The following WDR41 variants were observed in gnomAD, a reference collection of about 807,000 sequenced individuals.
WDR41 encodes WD repeat domain 41.
In WDR41, 63 loss-of-function variants were observed where a neutral mutation model predicts 69.3. That is an observed-to-expected ratio of 0.91 (90% CI 0.74 to 1.12). The LOEUF (loss-of-function observed/expected upper bound fraction) is 1.12. Among genes scored for constraint, WDR41 ranks in the 50% most tolerant of loss-of-function variants. The pLI, the probability that WDR41 is intolerant of heterozygous loss-of-function variation, is 0.00. For synonymous variants in WDR41, 185 were observed against 192.1 expected (o/e 0.96, Z 0.31); for missense variants, 543 against 534.5 (o/e 1.02, Z -0.16).
At chr5:77,566,340 C>A (rs954350348) in intron 1 of WDR41, among the ~76,000 whole-genome samples, 1 of 152,106 alleles carries the variant, frequency 6.6e-6, no homozygotes, top group African/African-American at 2.4e-5. Flanking sequence ...TACTCACTGT[C>A]CTGTATGTCG....
At chr5:77,493,165 G>A (rs957775518), upstream of WDR41, among the ~76,000 whole-genome samples, 3 of 152,164 alleles carry the variant, frequency 2.0e-5, no homozygotes, top group African/African-American at 7.2e-5. Context: ...CGTAGGAATC[G>A]GGGTTTTGGG....
chr5:77,440,820 T>A lies in WDR41; in HGVS notation c.875A>T (p.Asp292Val). 6.2e-7 allele frequency: 1 copy of A among 1,614,140 alleles called. No individual in the cohort carries two copies. The highest frequency in any genetic ancestry group is 8.5e-7 in the Non-Finnish European group (1 of 1,179,988). ...NDISIHHFTC[D>V]EENVFAAVGR... is the part of the protein sequence containing the mutation. ...AGTGTATACATTTTTTACCTCTTCA[T>A]CACATGTGAAATGATGAATAGAAAT... is the stretch of plus-strand genomic sequence containing the variant. The change falls in exon 9 of 13, where the codon GAT becomes GTT. Residue 292 changes from aspartate (D) to valine (V), a missense_variant. By Grantham distance (152) the Asp-to-Val change is radical. Transcript: ENST00000296679.
intron 8 of WDR41, among the ~76,000 whole-genome samples, chr5:77,445,173 T>C (rs748226017): frequency 1.3e-5 from 2 of 151,828 alleles, no homozygotes; most frequent in Non-Finnish European, 2.9e-5. Context: ...AACTAGAAAA[T>C]CTAGAAGAAA....
At chr5:77,546,116 A>C (rs1743192063) in intron 1 of WDR41, 1 of 508,690 alleles carries the variant, frequency 2.0e-6, no homozygotes, top group Non-Finnish European at 3.4e-6. Context: ...CTTTGATGCC[A>C]TCTCAGACCT....
At chr5:77,495,956 G>T (rs529566844), upstream of WDR41, among the ~76,000 whole-genome samples, 19 of 152,092 alleles carry the variant, frequency 1.2e-4, no homozygotes, top group East Asian at 9.7e-4. Flanking sequence ...ATGGAAGAGT[G>T]GTTCAGTATA....
chr5:77,563,677 A>G (rs1306940448), intron 1 of WDR41, among the ~76,000 whole-genome samples: 3 of 152,200 alleles, frequency 2.0e-5, no homozygotes, highest in Admixed American at 2.0e-4. Flanking sequence ...GGAACCGGGC[A>G]GTGTGCCAGG....
At chr5:77,519,061 C>T in intron 1 of WDR41, among the ~76,000 whole-genome samples, 1 of 151,970 alleles carries the variant, frequency 6.6e-6, no homozygotes, top group Admixed American at 6.6e-5. Context: ...CAGCTAATAT[C>T]AAATAATATA....
intron 1 of WDR41, among the ~76,000 whole-genome samples, chr5:77,517,253 T>G (rs1419462552): frequency 1.3e-5 from 2 of 152,072 alleles, no homozygotes; most frequent in African/African-American, 4.8e-5. Context: ...GTTTCTGCCA[T>G]AGTAATGTAA....
chr5:77,584,238 G>A (rs1371222650), intron 1 of WDR41, among the ~76,000 whole-genome samples: 1 of 152,030 alleles, frequency 6.6e-6, no homozygotes, highest in Non-Finnish European at 1.5e-5. Flanking sequence ...GTTACAGGCA[G>A]GGCAATTAAG....
At chr5:77,468,472 G>C (rs1800404008) in intron 2 of WDR41, among the ~76,000 whole-genome samples, 1 of 152,058 alleles carries the variant, frequency 6.6e-6, no homozygotes, top group South Asian at 2.1e-4. Flanking sequence ...TCCAACAGTG[G>C]GCTGAAAACT....
At chr5:77,488,297 A>G (rs1290532008) in intron 2 of WDR41, among the ~76,000 whole-genome samples, 1 of 152,196 alleles carries the variant, frequency 6.6e-6, no homozygotes, top group African/African-American at 2.4e-5. Context: ...AAATATCAGT[A>G]ACATTTAAAG....
At chr5:77,531,208 G>C (rs961881366) in intron 1 of WDR41, among the ~76,000 whole-genome samples, 1 of 151,760 alleles carries the variant, frequency 6.6e-6, no homozygotes, top group African/African-American at 2.4e-5. Flanking sequence ...TAAAAAGAAA[G>C]TAAAAAGACA....
intron 2 of WDR41, among the ~76,000 whole-genome samples, chr5:77,467,471 CTT>C (rs1800356156): frequency 6.6e-6 from 1 of 151,940 alleles, no homozygotes; most frequent in Non-Finnish European, 1.5e-5. Flanking sequence ...GTAAGACACT[CTT>C]ATTTTATTTA....
intron 1 of WDR41, among the ~76,000 whole-genome samples, chr5:77,531,461 G>T (rs879537883): frequency 3.3e-5 from 5 of 151,704 alleles, no homozygotes. Context: ...ATCACTTTGC[G>T]CCCACTAAGA....
At chr5:77,511,672 G>A (rs1359719289) in intron 1 of WDR41, among the ~76,000 whole-genome samples, 1 of 152,032 alleles carries the variant, frequency 6.6e-6, no homozygotes, top group Non-Finnish European at 1.5e-5. Flanking sequence ...CATTACATCT[G>A]CAGTTCTATT....
At chr5:77,434,404 G>A (rs1478031742) in intron 12 of WDR41, among the ~76,000 whole-genome samples, 1 of 152,078 alleles carries the variant, frequency 6.6e-6, no homozygotes, top group Non-Finnish European at 1.5e-5. Flanking sequence ...GTGAAGGGAG[G>A]AAACATGGGA....
chr5:77,549,307 G>A (rs1435708717), intron 1 of WDR41, among the ~76,000 whole-genome samples: 3 of 151,994 alleles, frequency 2.0e-5, no homozygotes, highest in African/African-American at 4.8e-5. Context: ...AAAATAATGA[G>A]TCAAATTATC....
intron 1 of WDR41, among the ~76,000 whole-genome samples, chr5:77,500,098 A>G (rs983305366): frequency 6.6e-6 from 1 of 152,218 alleles, no homozygotes; most frequent in Non-Finnish European, 1.5e-5. Flanking sequence ...ATGGAAAAAT[A>G]TAATCAACGG....
chr5:77,536,975 A>G (rs937427809), intron 1 of WDR41, among the ~76,000 whole-genome samples: 2 of 152,202 alleles, frequency 1.3e-5, no homozygotes, highest in Admixed American at 6.5e-5. Context: ...TTTATTCTCT[A>G]TGGAAACCTG....
Sources: gnomAD v4.1 joint callset for allele counts (sites outside exome capture counted in the v4.1 genomes callset) on GRCh38, gnomAD v4.1.1 for gene constraint, MANE v1.5 for transcripts, NCBI Gene and HGNC (gene_info 2026-07-23, HGNC 2026-07-21) for gene names.